MCAT: variants seen among roughly 807,000 people sequenced by gnomAD.
MCAT encodes malonyl-CoA-acyl carrier protein transacylase, mitochondrial.
Under a neutral mutation model 22.9 loss-of-function variants are expected in MCAT, and 22 were observed. The ratio of observed to expected loss-of-function variants is 0.96; its 90% confidence interval spans 0.69 to 1.37. The LOEUF is 1.37. Among genes scored for constraint, MCAT ranks in the 40% most tolerant of loss-of-function variants. MCAT has a pLI of 0.00. For missense variants in MCAT, 534 were observed against 533.6 expected, an observed-to-expected ratio of 1.00 and a Z score of -0.01; for synonymous variants, 240 against 233.9, an observed-to-expected ratio of 1.03 and a Z score of -0.24.
Position 43,143,322 on chromosome 22 carries a change from CGCTACCCGT to C in MCAT, c.18_26del (p.Arg7_Ala9del), listed in dbSNP as rs1327487385. ...AGCTGGCGCCCAAGCCCCTGACCCA[CGCTACCCGT>C]GCGACCCGGACGCTCATGGTCGGAC... On this transcript the variant is annotated inframe_deletion, in exon 1 of 4. Transcript: ENST00000290429. 2 of 1,401,800 alleles carry C rather than the reference CGCTACCCGT, an allele frequency of 1.4e-6. No homozygotes were observed. The highest frequency in any genetic ancestry group is 9.2e-7 in the Non-Finnish European group (1 of 1,089,534). 86.8% of individuals were successfully genotyped at this position (1,401,800 alleles called of 1,614,324 possible). A position where few individuals can be genotyped will look rare whatever the true frequency, so the allele number is the denominator to read the frequency against.
At chr22:43,135,331 C>T (rs192429080) in intron 3 of MCAT, among the ~76,000 whole-genome samples, 42 of 152,156 alleles carry the variant, frequency 2.8e-4, no homozygotes, top group African/African-American at 8.9e-4. Flanking sequence ...GGTAAAACCC[C>T]GTCTCTAATA....
intron 3 of MCAT, among the ~76,000 whole-genome samples, 184 bp downstream of exon 3, chr22:43,136,897 G>A (rs1930628259): frequency 6.6e-6 from 1 of 152,162 alleles, no homozygotes; most frequent in Non-Finnish European, 1.5e-5. Flanking sequence ...GGTGGAGCAG[G>A]GCAGCATTCT....
chr22:43,138,808 C>T (rs538453768), intron 2 of MCAT, among the ~76,000 whole-genome samples: 1 of 152,276 alleles, frequency 6.6e-6, no homozygotes, highest in African/African-American at 2.4e-5. Flanking sequence ...GTCCTGCTTC[C>T]TGGGCAGAGA....
intron 2 of MCAT, among the ~76,000 whole-genome samples, chr22:43,138,054 T>C (rs1930670435): frequency 6.6e-6 from 1 of 151,900 alleles, no homozygotes; most frequent in East Asian, 1.9e-4. Context: ...GGAGACCCTG[T>C]CCCTGCAAAA....
At chr22:43,137,447 A>C in intron 2 of MCAT, 149 bp from the exon 3 acceptor site, 1 of 633,818 alleles carries the variant, frequency 1.6e-6, no homozygotes, top group Non-Finnish European at 2.7e-6. Flanking sequence ...AGTTCCACAC[A>C]CCTCCATCGA....
At position 43,132,745 on chromosome 22, in the gene MCAT, C is replaced by T. The variant is rs562553500; in HGVS notation, c.*298G>A. On this transcript the variant is annotated 3_prime_UTR_variant, in exon 4 of 4. Transcript: ENST00000290429. ...CTCCCCTTCCCGCTGAGATGGCACA[C>T]CTGCCTATGGTGCAGGGCTGGCAGA... 2 of 392,716 alleles carry T rather than the reference C, an allele frequency of 5.1e-6. No homozygotes were observed. The highest frequency in any genetic ancestry group is 9.4e-6 in the Non-Finnish European group (2 of 213,436). 24.3% of individuals were successfully genotyped at this position (392,716 alleles called of 1,614,324 possible). A position where few individuals can be genotyped will look rare whatever the true frequency, so the allele number is the denominator to read the frequency against.
At chr22:43,133,925 C>A (rs929528585) in intron 3 of MCAT, among the ~76,000 whole-genome samples, 1 of 151,988 alleles carries the variant, frequency 6.6e-6, no homozygotes, top group Non-Finnish European at 1.5e-5. Context: ...CCTGCCTCAG[C>A]CTCCCAAGTA....
rs1601738639 is a variant in MCAT, at chr22:43,133,346, A to G, written c.870T>C (p.Ile290=). Reference sequence around the variant, plus strand: ...AGTAGACAGAAACCAGAGGCTTCTTAATGTCGACTGCCTTTAAAGCTTGCG... The same window carrying G: ...AGTAGACAGAAACCAGAGGCTTCTTGATGTCGACTGCCTTTAAAGCTTGCG... ...PLTQALKAVD[I]KKPLVSVYSN... The change falls in exon 4 of 4, where the codon ATT becomes ATC. Residue 290 remains isoleucine (I), a synonymous_variant. Transcript: ENST00000290429. 25 of 1,614,152 alleles carry G rather than the reference A, an allele frequency of 1.5e-5. No homozygotes were observed. Among genetic ancestry groups the G allele is most frequent in the Non-Finnish European group, 2.1e-5 (25 of 1,180,032 alleles).
rs376798802 is a variant in MCAT, at chr22:43,137,277, C to T, written c.533G>A (p.Arg178Gln). 52 of 1,613,872 alleles carry T rather than the reference C, an allele frequency of 3.2e-5. No individual in the cohort carries two copies. The highest frequency in any genetic ancestry group is 4.2e-5 in the Non-Finnish European group (49 of 1,179,990). ...TGAAGCTTCCTGCATGGCCTCAGCT[C>T]GGATTTTCACTGCATACAAACCTGG... ...FAEGLYAVKI[R>Q]AEAMQEASEA... The change falls in exon 3 of 4, where the codon CGA (arginine) becomes CAA (glutamine). Residue 178 changes from arginine to glutamine, a missense_variant. Transcript: ENST00000290429.
chr22:43,138,494 T>C (rs1375009290), intron 2 of MCAT, among the ~76,000 whole-genome samples: 1 of 152,132 alleles, frequency 6.6e-6, no homozygotes, highest in African/African-American at 2.4e-5. Flanking sequence ...TCCGGCACTT[T>C]GGGAGGCCAA....
chr22:43,134,625 T>A (rs872842), intron 3 of MCAT, among the ~76,000 whole-genome samples: 125,393 of 152,202 alleles, frequency 0.82, 52,086 homozygotes, highest in East Asian at 0.95. Context: ...CTGTTCCTGT[T>A]GCCTGAGTCC....
Position 43,143,259 on chromosome 22 carries a change from C to A in MCAT, c.90G>T (p.Pro30=), listed in dbSNP as rs749767526. The change falls in exon 1 of 4, where the codon CCG becomes CCT. Residue 30 remains proline, a synonymous_variant. Coordinates refer to ENST00000290429, the MANE Select transcript of MCAT (RefSeq NM_173467.5). ...GCAGCTCCGCTACACCCTGGGCGCC[C>A]GGCGGAGGCACCGGGAAGCTCGAGG... ...RGASSFPVPP[P]GAQGVAELLR... is the part of the protein sequence containing the mutation. 6.9e-7 allele frequency: 1 copy of A among 1,447,794 alleles called. No individual in the cohort carries two copies. Among genetic ancestry groups the A allele is most frequent in the Non-Finnish European group, 9.0e-7 (1 of 1,110,512 alleles). The allele number at this position is 1,447,794 out of a possible 1,614,324, so 89.7% of individuals were successfully genotyped here.
chr22:43,137,551 A>T (rs1485619846), intron 2 of MCAT, among the ~76,000 whole-genome samples: 1 of 152,196 alleles, frequency 6.6e-6, no homozygotes, highest in African/African-American at 2.4e-5. Context: ...GGTTTGGAGT[A>T]GGACAGTGGT....
intron 1 of MCAT, 126 bp downstream of exon 1, chr22:43,142,800 A>C (rs5759181): frequency 0.4 from 423,610 of 1,072,102 alleles, 94,553 homozygotes; most frequent in East Asian, 0.92. Context: ...AACAAACAAA[A>C]AAAAAAACTC....
intron 1 of MCAT, among the ~76,000 whole-genome samples, chr22:43,142,372 A>AG (rs1436541998): frequency 6.6e-6 from 1 of 152,084 alleles, no homozygotes; most frequent in East Asian, 1.9e-4. Context: ...CTGTGATCCC[A>AG]GCTACTGCGG....
At chr22:43,140,406 C>A (rs573954493) in intron 2 of MCAT, among the ~76,000 whole-genome samples, 1 of 152,136 alleles carries the variant, frequency 6.6e-6, no homozygotes, top group African/African-American at 2.4e-5. Flanking sequence ...TGCAGTGGCA[C>A]GATCACAGCT....
Position 43,142,917 on chromosome 22 carries a change from G to C in MCAT, c.423+9C>G, listed in dbSNP as rs777624705. Reference sequence around the variant, plus strand: ...CTTCCCCCTCCTGTCACGGGGCCTCGGGCCTCACCGAGGGCTGCAGGTGAT... The same window carrying C: ...CTTCCCCCTCCTGTCACGGGGCCTCCGGCCTCACCGAGGGCTGCAGGTGAT... On this transcript the variant is annotated intron_variant, in intron 1 of 3. Transcript: ENST00000290429. 1.2e-5 allele frequency: 18 copies of C among 1,530,432 alleles called. No homozygotes were observed. Among genetic ancestry groups the C allele is most frequent in the South Asian group, 2.5e-5 (2 of 80,248 alleles). The allele number at this position is 1,530,432 out of a possible 1,614,324, so 94.8% of individuals were successfully genotyped here. A position where few individuals can be genotyped will look rare whatever the true frequency, so the allele number is the denominator to read the frequency against.
chr22:43,140,011 A>G (rs1197648849), intron 2 of MCAT, among the ~76,000 whole-genome samples: 1 of 152,204 alleles, frequency 6.6e-6, no homozygotes, highest in African/African-American at 2.4e-5. Context: ...AAATTCACAT[A>G]AAATATAATT....
chr22:43,138,908 T>C (rs1022326413), intron 2 of MCAT, among the ~76,000 whole-genome samples: 1 of 152,184 alleles, frequency 6.6e-6, no homozygotes, highest in African/African-American at 2.4e-5. Context: ...TCCTGACATA[T>C]CTTCATTCAC....
Sources: gnomAD v4.1 joint callset for allele counts (sites outside exome capture counted in the v4.1 genomes callset) on GRCh38, gnomAD v4.1.1 for gene constraint, MANE v1.5 for transcripts, NCBI Gene and HGNC (gene_info 2026-07-23, HGNC 2026-07-21) for gene names.